The following GAS7 variants were observed in gnomAD, a reference collection of about 807,000 sequenced individuals.
GAS7 encodes growth arrest specific 7.
A neutral mutation model predicts 71.1 loss-of-function variants in GAS7; 28 were observed. The ratio of observed to expected loss-of-function variants is 0.39; its 90% CI spans 0.29 to 0.54. The LOEUF is 0.54. GAS7 is among the 20% of genes least tolerant of loss of function. The pLI is 0.62. For synonymous variants in GAS7, 258 were observed against 245.8 expected, an observed-to-expected ratio of 1.05 and a Z score of -0.46; for missense variants, 436 against 627.8, an observed-to-expected ratio of 0.69 and a Z score of 3.27.
At position 9,969,276 on chromosome 17, in the gene GAS7, T is replaced by G. The variant is rs1019643439; in HGVS notation, c.471+401A>C. ...ACTTTATCAAATGAGATGATCAAAT[T>G]TTACTAAATTCCATTCTGGGTAATC... On this transcript the variant is annotated intron_variant, in intron 4 of 13. Transcript: ENST00000432992. This position sits in a 1 kb window ranked among gnomAD's most constrained non-coding sequence, Gnocchi z 5.5. 6.6e-6 allele frequency among the ~76,000 whole-genome samples: 1 copy of G among 152,188 alleles called. No individual in the cohort carries two copies. The highest frequency in any genetic ancestry group is 1.5e-5 in the Non-Finnish European group (1 of 68,036).
At chr17:9,932,387 G>T (rs1245019763) in intron 9 of GAS7, among the ~76,000 whole-genome samples, 1 of 152,030 alleles carries the variant, frequency 6.6e-6, no homozygotes, top group Non-Finnish European at 1.5e-5. Context: ...TAGAGATGGG[G>T]TTTCACCATG....
At chr17:10,165,425 T>TTTCAAC (rs2074287191) in intron 1 of GAS7, among the ~76,000 whole-genome samples, 1 of 152,174 alleles carries the variant, frequency 6.6e-6, no homozygotes, top group African/African-American at 2.4e-5. Flanking sequence ...GGAGCTTTTG[T>TTTCAAC]TTCAACTTGA....
At chr17:10,055,536 C>T (rs765241272) in intron 1 of GAS7, among the ~76,000 whole-genome samples, 12 of 152,170 alleles carry the variant, frequency 7.9e-5, no homozygotes, top group African/African-American at 1.2e-4. Flanking sequence ...GCATCCTGAT[C>T]CCCACCCCAC....
rs916564540 is a variant in GAS7 at position 10,103,358 on chromosome 17, C to A, written c.184-83461G>T. Among the ~76,000 whole-genome samples, 3 of 152,094 alleles carry A rather than the reference C, an allele frequency of 2.0e-5. No homozygotes were observed. The highest frequency in any genetic ancestry group is 7.2e-5 in the African/African-American group (3 of 41,412). ...GGTTAAGACCCTGTCTCAAACAAAC[C>A]AACCAACCAACCCCCATGTAGTTGG... On this transcript the variant is annotated intron_variant, in intron 1 of 13. Coordinates refer to ENST00000432992, the MANE Select transcript of GAS7 (RefSeq NM_201433.2). The surrounding 1 kb of genome is among the most constrained non-coding windows in gnomAD (Gnocchi z 5.5).
intron 1 of GAS7, among the ~76,000 whole-genome samples, chr17:10,021,290 C>T (rs1369936380): frequency 6.6e-6 from 1 of 152,174 alleles, no homozygotes; most frequent in Non-Finnish European, 1.5e-5. Flanking sequence ...GTGACCCCCG[C>T]TTAGGAAAAC....
chr17:9,941,302 G>T (rs957819262), intron 7 of GAS7, among the ~76,000 whole-genome samples: 1 of 152,120 alleles, frequency 6.6e-6, no homozygotes, highest in Non-Finnish European at 1.5e-5. Flanking sequence ...TCCAGACTGT[G>T]GTCAAGAGAG....
rs756879223 is a variant in GAS7 at position 9,917,156 on chromosome 17, C to T, written c.*72G>A. The T allele has an allele frequency of 3.0e-5, 29 of 954,588 alleles. No individual in the cohort carries two copies. The highest frequency in any genetic ancestry group is 2.1e-4 in the Middle Eastern group (1 of 4,704). 59.1% of individuals were successfully genotyped at this position (954,588 alleles called of 1,614,324 possible). A position where few individuals can be genotyped will look rare whatever the true frequency, so the allele number is the denominator to read the frequency against. On this transcript the variant is annotated 3_prime_UTR_variant, in exon 14 of 14. Transcript: ENST00000432992. ...CAGGAGAGAGGGTGGGGGGCATCCA[C>T]TCGGCATGGGCCCCATGGTGGGAGC... is the stretch of plus-strand genomic sequence containing the variant.
chr17:9,966,123 C>T (rs1049491597), intron 4 of GAS7, among the ~76,000 whole-genome samples: 2 of 151,838 alleles, frequency 1.3e-5, no homozygotes, highest in East Asian at 1.9e-4. Flanking sequence ...CTCAGCCTCC[C>T]GAGTAGCTGG....
At chr17:10,022,378 A>G (rs2072303347) in intron 1 of GAS7, among the ~76,000 whole-genome samples, 1 of 152,234 alleles carries the variant, frequency 6.6e-6, no homozygotes, top group Admixed American at 6.5e-5. Flanking sequence ...TCCTTCAATC[A>G]AACATGGGAA....
chr17:10,173,240 A>T (rs2074348469), intron 1 of GAS7, among the ~76,000 whole-genome samples: 1 of 152,168 alleles, frequency 6.6e-6, no homozygotes, highest in South Asian at 2.1e-4. Flanking sequence ...GGATGATGAA[A>T]CTTCTGGAAC....
intron 1 of GAS7, among the ~76,000 whole-genome samples, chr17:10,158,240 C>T (rs1163803515): frequency 6.6e-6 from 1 of 151,642 alleles, no homozygotes; most frequent in Non-Finnish European, 1.5e-5. Context: ...GTCTCGATCT[C>T]CTGACCTTGT....
At chr17:10,004,578 A>C (rs147664724) in intron 2 of GAS7, among the ~76,000 whole-genome samples, 1 of 152,302 alleles carries the variant, frequency 6.6e-6, no homozygotes, top group African/African-American at 2.4e-5. Context: ...CCCAGAAAAA[A>C]AGGCAGAGTA....
intron 1 of GAS7, chr17:10,036,338 A>T: frequency 9.3e-7 from 1 of 1,071,800 alleles, no homozygotes; most frequent in Non-Finnish European, 1.4e-6. Context: ...CTCAGTTTTC[A>T]GAGCTGCCTC....
chr17:10,115,605 T>G (rs1013758300), intron 1 of GAS7, among the ~76,000 whole-genome samples: 2 of 152,006 alleles, frequency 1.3e-5, no homozygotes, highest in African/African-American at 2.4e-5. Context: ...GGGGGTCCCC[T>G]AGCATGAGGT....
chr17:10,119,447 G>A (rs1012951702), intron 1 of GAS7, among the ~76,000 whole-genome samples: 1 of 152,206 alleles, frequency 6.6e-6, no homozygotes, highest in African/African-American at 2.4e-5. Context: ...TTATAGAAAG[G>A]TTAGAAAAGA....
chr17:10,038,272 C>A (rs185760065), intron 1 of GAS7, among the ~76,000 whole-genome samples: 1 of 152,194 alleles, frequency 6.6e-6, no homozygotes, highest in East Asian at 1.9e-4. Flanking sequence ...GCAGGAGAAT[C>A]CAGGAGGCGG....
rs373768038 is a variant in GAS7 at position 9,931,555 on chromosome 17, C to T, written c.885+2611G>A. The stretch of plus-strand genomic sequence containing the variant: ...CAGAGAATGGAGCTGCTGGGGGCCC[C>T]GACAGGGGAAGGGAGGCCTTGAGGG... On this transcript the variant is annotated intron_variant, in intron 9 of 13. Coordinates refer to ENST00000432992, the MANE Select transcript of GAS7 (RefSeq NM_201433.2). Among the ~76,000 whole-genome samples the T allele has an allele frequency of 6.6e-5, 10 of 152,300 alleles. 1 individual carries two copies. The highest frequency in any genetic ancestry group is 4.1e-4 in the South Asian group (2 of 4,822).
In GAS7 at chr17:9,919,856, A is replaced by G. The variant is rs2067731839; in HGVS notation, c.1139-151T>C. On this transcript the variant is annotated intron_variant, in intron 11 of 13. Coordinates refer to ENST00000432992, the MANE Select transcript of GAS7 (RefSeq NM_201433.2). The surrounding 1 kb of genome is among the most constrained non-coding windows in gnomAD (Gnocchi z 5.0). The stretch of plus-strand genomic sequence containing the variant: ...AAAAGGGATGGCAGTAGGAAGAAGA[A>G]GAAAGCAGAGCCAGGGAAGGAAGGG... The G allele has an allele frequency of 1.5e-6, 1 of 688,368 alleles. No homozygotes were observed. Among genetic ancestry groups the G allele is most frequent in the Non-Finnish European group, 2.6e-6 (1 of 382,546 alleles). The allele number at this position is 688,368 out of a possible 1,614,324, so 42.6% of individuals were successfully genotyped here.
At chr17:10,084,256 AT>A (rs2073490175) in intron 1 of GAS7, among the ~76,000 whole-genome samples, 1 of 152,232 alleles carries the variant, frequency 6.6e-6, no homozygotes, top group Non-Finnish European at 1.5e-5. Context: ...TAGGGGGAGA[AT>A]AAAAAACTAA....
Sources: allele counts gnomAD v4.1 joint callset (sites outside exome capture counted in the v4.1 genomes callset), GRCh38; gene constraint gnomAD v4.1.1; non-coding constraint Gnocchi (gnomAD v3.1); transcripts MANE v1.5; gene names NCBI Gene and HGNC (gene_info 2026-07-23, HGNC 2026-07-21).